Variants in ROR1 observed in about 807,000 individuals in gnomAD.
ROR1 encodes inactive tyrosine-protein kinase transmembrane receptor ROR1.
Under a neutral mutation model 78.8 loss-of-function variants are expected in ROR1, and 19 were observed. The ratio of observed to expected loss-of-function variants is 0.24; its 90% confidence interval spans 0.17 to 0.35. The LOEUF (loss-of-function observed/expected upper bound fraction) is 0.35, where lower values mean the gene tolerates loss of function less well. ROR1 is among the 10% of genes least tolerant of loss of function. The pLI, the probability that ROR1 is intolerant of heterozygous loss-of-function variation, is 1.00. For missense variants in ROR1, 917 were observed against 1,177.8 expected (o/e 0.78, Z 3.24); for synonymous variants, 386 against 433.6 (o/e 0.89, Z 1.36).
chr1:63,835,388 G>C (rs928855847), intron 1 of ROR1, among the ~76,000 whole-genome samples: 1 of 152,190 alleles, frequency 6.6e-6, no homozygotes, highest in Non-Finnish European at 1.5e-5. Context: ...CATGTCTCCA[G>C]AGCAAAAAGA....
intron 2 of ROR1, among the ~76,000 whole-genome samples, chr1:64,027,930 C>T (rs1646627507): frequency 1.3e-5 from 2 of 152,128 alleles, no homozygotes; most frequent in South Asian, 4.1e-4. Flanking sequence ...TCATGATCTT[C>T]CTGCCTCGGC....
intron 1 of ROR1, among the ~76,000 whole-genome samples, chr1:63,783,433 A>G (rs1394556094): frequency 6.6e-6 from 1 of 152,152 alleles, no homozygotes; most frequent in Non-Finnish European, 1.5e-5. Flanking sequence ...ATAGTATACT[A>G]ATAATTAACA....
chr1:63,932,337 A>G (rs748065646), intron 1 of ROR1, among the ~76,000 whole-genome samples: 27 of 152,156 alleles, frequency 1.8e-4, no homozygotes, highest in Non-Finnish European at 3.7e-4. Flanking sequence ...CATTGTGTGC[A>G]GAAAGAGGGG....
In ROR1 at chr1:63,893,070, C is replaced by T. The variant is rs377319430; in HGVS notation, c.92-116235C>T. 2.0e-4 allele frequency among the ~76,000 whole-genome samples: 30 copies of T among 152,254 alleles called. No homozygotes were observed. In the South Asian group the frequency reaches 2.9e-3, roughly 15 times the overall value. On this transcript the variant is annotated intron_variant, in intron 1 of 8. Transcript: ENST00000371079. ...GTGTCAGCCGCAGAGGGTGCGGTTT[C>T]CCTGTCTCTAGAGTGGTGGACACAG...
intron 1 of ROR1, among the ~76,000 whole-genome samples, chr1:63,829,631 T>G (rs1169769951): frequency 6.6e-6 from 1 of 152,088 alleles, no homozygotes; most frequent in African/African-American, 2.4e-5. Context: ...AGAGTACTGG[T>G]GGAACTGAAA....
intron 1 of ROR1, among the ~76,000 whole-genome samples, chr1:63,814,207 C>T (rs1027317233): frequency 3.9e-5 from 6 of 152,184 alleles, no homozygotes; most frequent in East Asian, 3.9e-4. Flanking sequence ...GCACCTTCTG[C>T]GCCCTCTGGC....
chr1:64,178,978 T>G lies in ROR1; in HGVS notation c.*123T>G. On this transcript the variant is annotated 3_prime_UTR_variant, in exon 9 of 9. Coordinates refer to ENST00000371079, the MANE Select transcript of ROR1 (RefSeq NM_005012.4). The surrounding 1 kb of genome is among the most constrained non-coding windows in gnomAD (Gnocchi z 4.3). ...AGCAGACATCGCAACAAGTACCTTC[T>G]GTGAAGTTTCACTGTGTCTTACCAA... 1 of 676,400 alleles carries G rather than the reference T, an allele frequency of 1.5e-6. No individual in the cohort carries two copies. The allele number at this position is 676,400 out of a possible 1,614,324, so 41.9% of individuals were successfully genotyped here.
chr1:64,126,040 T>C (rs1648702338), intron 4 of ROR1, among the ~76,000 whole-genome samples: 1 of 152,158 alleles, frequency 6.6e-6, no homozygotes, highest in Non-Finnish European at 1.5e-5. Context: ...GAACATATTT[T>C]CTCATGAACT....
chr1:64,092,295 A>G (rs990228977), intron 4 of ROR1, among the ~76,000 whole-genome samples: 2 of 152,144 alleles, frequency 1.3e-5, no homozygotes, highest in Non-Finnish European at 1.5e-5. Context: ...TCTTCTGGGA[A>G]TGATCCCATG....
In ROR1 at chr1:64,142,563, C is replaced by A; in HGVS notation, c.1087C>A (p.Arg363Ser). ...GCTGAATGGAGGCCATTCCTACTGC[C>A]GCAACCCAGGGAATCAAAAGGAAGC... ...PELNGGHSYC[R>S]NPGNQKEAPW... The change falls in exon 7 of 9, where the codon CGC becomes AGC. Residue 363 changes from arginine to serine, a missense_variant. By Grantham distance (110) the Arg-to-Ser change is moderately radical. This residue lies in a region of ROR1 where 835 missense variants were observed against 1,069.8 expected (regional missense o/e 0.78). Coordinates refer to ENST00000371079, the MANE Select transcript of ROR1 (RefSeq NM_005012.4). The A allele has an allele frequency of 6.2e-7, 1 of 1,614,126 alleles. No homozygotes were observed. Among genetic ancestry groups the A allele is most frequent in the Non-Finnish European group, 8.5e-7 (1 of 1,180,030 alleles).
intron 4 of ROR1, among the ~76,000 whole-genome samples, chr1:64,130,324 A>G (rs371159329): frequency 6.6e-6 from 1 of 152,182 alleles, no homozygotes; most frequent in East Asian, 1.9e-4. Flanking sequence ...AAGTATGTTA[A>G]CATGTACTTT....
Position 63,774,643 on chromosome 1 carries a change from C to T in ROR1, c.91+135C>T, listed in dbSNP as rs535320754. On this transcript the variant is annotated intron_variant, in intron 1 of 8. Transcript: ENST00000371079. The surrounding 1 kb of genome is among the most constrained non-coding windows in gnomAD (Gnocchi z 5.7). ...GCGCGTCCGGCCACCCGCCACGGGG[C>T]TCGCCGGCGCCGCCAGGCCAGGGTT... 6.2e-5 allele frequency: 20 copies of T among 323,324 alleles called. No homozygotes were observed. The East Asian group carries it at 2.9e-3, about 47-fold the overall frequency. The allele number at this position is 323,324 out of a possible 1,614,324, so 20.0% of individuals were successfully genotyped here. A position where few individuals can be genotyped will look rare whatever the true frequency, so the allele number is the denominator to read the frequency against.
At chr1:64,115,433 C>G (rs1219153139) in intron 4 of ROR1, among the ~76,000 whole-genome samples, 1 of 151,754 alleles carries the variant, frequency 6.6e-6, no homozygotes, top group Non-Finnish European at 1.5e-5. Flanking sequence ...CAGGTCTTGT[C>G]TTATTGCCCA....
At chr1:64,107,217 C>T (rs552086934) in intron 4 of ROR1, among the ~76,000 whole-genome samples, 6 of 152,138 alleles carry the variant, frequency 3.9e-5, no homozygotes, top group Non-Finnish European at 8.8e-5. Context: ...TTGTTGCCCC[C>T]ATTTTGCAGA....
chr1:64,018,910 T>TA (rs1385984468), intron 2 of ROR1, among the ~76,000 whole-genome samples: 1 of 152,198 alleles, frequency 6.6e-6, no homozygotes, highest in African/African-American at 2.4e-5. Context: ...GGCTAGACCC[T>TA]ATTCCCCTCC....
intron 1 of ROR1, among the ~76,000 whole-genome samples, chr1:63,797,167 CGA>C (rs774867047): frequency 4.6e-4 from 70 of 152,184 alleles, no homozygotes; most frequent in African/African-American, 1.3e-3. Flanking sequence ...TAACACATGC[CGA>C]GAACTTTCTA....
At chr1:64,154,154 A>G (rs935440050) in intron 7 of ROR1, among the ~76,000 whole-genome samples, 7 of 152,200 alleles carry the variant, frequency 4.6e-5, no homozygotes, top group Admixed American at 3.3e-4. Context: ...TTCATTTGAG[A>G]ATACATAAGG....
At chr1:64,137,314 T>A in intron 4 of ROR1, 55 bp from the exon 5 acceptor site, 1 of 1,603,508 alleles carries the variant, frequency 6.2e-7, no homozygotes, top group South Asian at 1.1e-5. Context: ...CAGAGCTTGC[T>A]GTGCCCTGTA....
intron 1 of ROR1, among the ~76,000 whole-genome samples, chr1:63,991,099 T>TG (rs1351452540): frequency 6.6e-6 from 1 of 150,768 alleles, no homozygotes; most frequent in Non-Finnish European, 1.5e-5. Context: ...GTTTGTTTGT[T>TG]TTTTGTTTTG....
Sources: allele counts gnomAD v4.1 joint callset (sites outside exome capture counted in the v4.1 genomes callset), GRCh38; gene constraint gnomAD v4.1.1; regional missense constraint gnomAD v4.1.1; non-coding constraint Gnocchi (gnomAD v3.1); transcripts MANE v1.5; gene names NCBI Gene and HGNC (gene_info 2026-07-23, HGNC 2026-07-21).